CC2D1B: variants seen among roughly 807,000 people sequenced by gnomAD.
CC2D1B encodes coiled-coil and C2 domain containing 1B, also known as coiled-coil and C2 domain-containing protein 1B.
Under a neutral mutation model 110.8 loss-of-function variants are expected in CC2D1B, and 92 were observed. The ratio of observed to expected loss-of-function variants is 0.83; its 90% CI spans 0.70 to 0.99. The LOEUF (loss-of-function observed/expected upper bound fraction) is 0.99. Among genes scored for constraint, CC2D1B ranks in the 50% least tolerant of loss-of-function variants. The pLI is 0.00. For missense variants in CC2D1B, 1,136 were observed against 1,089.0 expected, an observed-to-expected ratio of 1.04 and a Z score of -0.61; for synonymous variants, 406 against 429.2, an observed-to-expected ratio of 0.95 and a Z score of 0.67.
In CC2D1B at chr1:52,356,288, G is replaced by A. The variant is rs1475906990; in HGVS notation, c.1952C>T (p.Ala651Val). The A allele has an allele frequency of 6.2e-7, 1 of 1,614,186 alleles. No homozygotes were observed. The highest frequency in any genetic ancestry group is 1.1e-5 in the South Asian group (1 of 91,080). Reference protein sequence around the residue: ...VAETTRFEKLAQDRKKQLEIL... With the variant: ...VAETTRFEKLVQDRKKQLEIL... ...CTCCAGCTGTTTCTTGCGGTCCTGA[G>A]CAAGCTTCTCAAATCTGACAGGGAT... The change falls in exon 18 of 25, where the codon GCT becomes GTT. Residue 651 changes from alanine to valine, a missense_variant. Coordinates refer to ENST00000284376, the MANE Select transcript of CC2D1B (RefSeq NM_001330585.2).
chr1:52,362,721 G>A lies in CC2D1B; in HGVS notation c.95C>T (p.Pro32Leu), dbSNP rs1646809442. 1 of 1,613,942 alleles carries A rather than the reference G, an allele frequency of 6.2e-7. No homozygotes were observed. The highest frequency in any genetic ancestry group is 1.3e-5 in the African/African-American group (1 of 74,882). ...KQMGLFMEFG[P>L]EDMLLGMDEA... is the part of the protein sequence containing the mutation. ...ATCCATGCCCAGCAGCATGTCCTCA[G>A]GGCCAAACTCCATAAAGAGCCCCAT... The change falls in exon 3 of 25, where the codon CCT (proline) becomes CTT (leucine). Residue 32 changes from proline to leucine, a missense_variant. Transcript: ENST00000284376.
Position 52,359,277 on chromosome 1 carries a change from T to C in CC2D1B, c.1099A>G (p.Met367Val), listed in dbSNP as rs1455064651. 1.9e-6 allele frequency: 3 copies of C among 1,612,898 alleles called. No individual in the cohort carries two copies. The highest frequency in any genetic ancestry group is 1.3e-5 in the African/African-American group (1 of 74,936). ...GGGGTTGCTGGGACGTCAGGGGCCA[T>C]CACTGGCTGCACTCGCTCCACGGCT... is the stretch of plus-strand genomic sequence containing the variant. ...PPAVERVQPV[M>V]APDVPATPVA... The change falls in exon 10 of 25, where the codon ATG becomes GTG. Residue 367 changes from methionine (M) to valine (V), a missense_variant. By Grantham distance (21) the Met-to-Val change is conservative. Transcript: ENST00000284376.
rs1332820946 is a variant in CC2D1B, at chr1:52,351,765, T to C, written c.*1460A>G. The stretch of plus-strand genomic sequence containing the variant: ...TGGGCATAGTGGTGGGTGCCTGTAA[T>C]CCCAGCTACTCAGGAGACTGACACA... On this transcript the variant is annotated 3_prime_UTR_variant, in exon 25 of 25. Transcript: ENST00000284376. The C allele has an allele frequency of 2.0e-5, 3 of 151,660 alleles. No individual in the cohort carries two copies. In the East Asian group the frequency reaches 5.8e-4, roughly 29 times the overall value. The allele number at this position is 151,660 out of a possible 1,614,324, so 9.4% of individuals were successfully genotyped here. A position where few individuals can be genotyped will look rare whatever the true frequency, so the allele number is the denominator to read the frequency against.
intron 3 of CC2D1B, 111 bp downstream of exon 3, chr1:52,362,490 TG>T: frequency 2.3e-6 from 3 of 1,317,480 alleles, no homozygotes; most frequent in Non-Finnish European, 3.2e-6. Flanking sequence ...AGATGGGTAT[TG>T]GAAGGACCAG....
rs1646546757 is a variant in CC2D1B, at chr1:52,352,500, T to C, written c.*725A>G. 1 of 152,652 alleles carries C rather than the reference T, an allele frequency of 6.6e-6. No individual in the cohort carries two copies. Among genetic ancestry groups the C allele is most frequent in the Non-Finnish European group, 1.5e-5 (1 of 68,032 alleles). 9.5% of individuals were successfully genotyped at this position (152,652 alleles called of 1,614,324 possible). A position where few individuals can be genotyped will look rare whatever the true frequency, so the allele number is the denominator to read the frequency against. The stretch of plus-strand genomic sequence containing the variant: ...TGAGTATAAAATCCCTACAATGAGT[T>C]AGACTTAGTTTCCTAGATAAATAAA... On this transcript the variant is annotated 3_prime_UTR_variant, in exon 25 of 25. Transcript: ENST00000284376.
At position 52,353,183 on chromosome 1, in the gene CC2D1B, C is replaced by T. The variant is rs1557537674; in HGVS notation, c.*42G>A. 4 of 1,326,228 alleles carry T rather than the reference C, an allele frequency of 3.0e-6. No homozygotes were observed. Among genetic ancestry groups the T allele is most frequent in the Admixed American group, 4.5e-5 (2 of 44,126 alleles). The allele number at this position is 1,326,228 out of a possible 1,614,324, so 82.2% of individuals were successfully genotyped here. On this transcript the variant is annotated 3_prime_UTR_variant, in exon 25 of 25. Transcript: ENST00000284376. Reference sequence around the variant, plus strand: ...GCAAAGCTGGGAAAGTCATCTCCTGCACAGTCGCGGCCTGACTCCTCTCCT... The same window carrying T: ...GCAAAGCTGGGAAAGTCATCTCCTGTACAGTCGCGGCCTGACTCCTCTCCT...
intron 15 of CC2D1B, 90 bp downstream of exon 15, chr1:52,357,436 C>T: frequency 7.3e-7 from 1 of 1,377,676 alleles, no homozygotes; most frequent in Non-Finnish European, 9.9e-7. Flanking sequence ...CCTGCCTCAT[C>T]CCAGAAGCTG....
intron 3 of CC2D1B, 67 bp downstream of exon 3, chr1:52,362,535 A>G: frequency 6.3e-7 from 1 of 1,580,460 alleles, no homozygotes; most frequent in Non-Finnish European, 8.7e-7. Flanking sequence ...CTGCAAGGGA[A>G]CCCCTCTACC....
chr1:52,356,104 A>G, intron 18 of CC2D1B, 82 bp downstream of exon 18: 1 of 1,249,222 alleles, frequency 8.0e-7, no homozygotes, highest in Non-Finnish European at 1.2e-6. Flanking sequence ...AAGCCTCACT[A>G]AAGGGGTAGC....
chr1:52,357,155 C>T (rs764149437), intron 15 of CC2D1B, 29 bp from the exon 16 acceptor site: 4 of 1,612,732 alleles, frequency 2.5e-6, no homozygotes, highest in Non-Finnish European at 3.4e-6. Flanking sequence ...CCCTCGGGCC[C>T]CAAGAGTCAG....
At position 52,352,614 on chromosome 1, in the gene CC2D1B, C is replaced by T. The variant is rs1157667246; in HGVS notation, c.*611G>A. 1 of 152,544 alleles carries T rather than the reference C, an allele frequency of 6.6e-6. No individual in the cohort carries two copies. Among genetic ancestry groups the T allele is most frequent in the Non-Finnish European group, 1.5e-5 (1 of 68,042 alleles). 9.4% of individuals were successfully genotyped at this position (152,544 alleles called of 1,614,324 possible). ...GGGTAGACCAAACCCAAGATCCAACCTTCCCCTTACTTCCCACCAAGTAGT... is the reference window on the plus strand; with the variant it reads ...GGGTAGACCAAACCCAAGATCCAACTTTCCCCTTACTTCCCACCAAGTAGT... On this transcript the variant is annotated 3_prime_UTR_variant, in exon 25 of 25. Coordinates refer to ENST00000284376, the MANE Select transcript of CC2D1B (RefSeq NM_001330585.2).
Position 52,356,444 on chromosome 1 carries a change from T to A in CC2D1B, c.1879-2A>T, listed in dbSNP as rs571093647. The A allele has an allele frequency of 1.8e-5, 29 of 1,614,098 alleles. No individual in the cohort carries two copies. Among genetic ancestry groups the A allele is most frequent in the Non-Finnish European group, 2.4e-5 (28 of 1,180,038 alleles). On this transcript the variant is annotated splice_acceptor_variant, in intron 16 of 24. Transcript: ENST00000284376. LOFTEE classifies it high-confidence loss of function. Reference sequence around the variant, plus strand: ...CTGCTTGGAGAACAGCAGGCACTTCTGAAAATAGAGGCCCAGAGTGACTCC... The same window carrying A: ...CTGCTTGGAGAACAGCAGGCACTTCAGAAAATAGAGGCCCAGAGTGACTCC...
At chr1:52,356,695 C>G (rs72666819) in intron 16 of CC2D1B, 6,354 of 604,330 alleles carry the variant, frequency 0.011, 47 homozygotes, top group Non-Finnish European at 0.014. Flanking sequence ...CAAACATCCC[C>G]TCAGAAGGCA....
chr1:52,361,576 G>A lies in CC2D1B; in HGVS notation c.255C>T (p.Asp85=), dbSNP rs758828588. Residue 85 remains aspartate (D), a synonymous_variant, in exon 4 of 25, where the codon GAC becomes GAT. Transcript: ENST00000284376. ...PMAHIEKLAA[D]CMRDVEEEEE... Reference sequence around the variant, plus strand: ...CCTCCTCCTCCACATCCCGCATACAGTCTGCCGCCAACTTCTCGATGTGGG... The same window carrying A: ...CCTCCTCCTCCACATCCCGCATACAATCTGCCGCCAACTTCTCGATGTGGG... 3 of 1,613,874 alleles carry A rather than the reference G, an allele frequency of 1.9e-6. No individual in the cohort carries two copies. Among genetic ancestry groups the A allele is most frequent in the East Asian group, 4.5e-5 (2 of 44,872 alleles).
Position 52,361,125 on chromosome 1 carries a change from A to ACCTGGGGTT in CC2D1B, c.325_326insAACCCCAGG (p.Leu109delinsGlnProGlnVal). ...CTCGTCCACACCTAAGACCTCCTGC[A>ACCTGGGGTT]GCTCCGTCTAGGGAGACAAAACACA... On this transcript the variant is annotated protein_altering_variant, in exon 5 of 25. Coordinates refer to ENST00000284376, the MANE Select transcript of CC2D1B (RefSeq NM_001330585.2). 1 of 1,614,068 alleles carries ACCTGGGGTT rather than the reference A, an allele frequency of 6.2e-7. No homozygotes were observed. Among genetic ancestry groups the ACCTGGGGTT allele is most frequent in the East Asian group, 2.2e-5 (1 of 44,864 alleles).
intron 21 of CC2D1B, 27 bp from the exon 22 acceptor site, chr1:52,354,966 G>A (rs1339850947): frequency 1.0e-5 from 16 of 1,577,510 alleles, no homozygotes; most frequent in Non-Finnish European, 1.3e-5. Flanking sequence ...AAGCAAGGAG[G>A]GGCTTGGCTC....
chr1:52,358,051 G>C lies in CC2D1B; in HGVS notation c.1462-153C>G. On this transcript the variant is annotated intron_variant, in intron 13 of 24. Transcript: ENST00000284376. Reference sequence around the variant, plus strand: ...TTCCTGGGTCCTAAAAGATCTGAGAGCTAGAAGCAGCCTCAGAAGCTCTCA... The same window carrying C: ...TTCCTGGGTCCTAAAAGATCTGAGACCTAGAAGCAGCCTCAGAAGCTCTCA... 3 of 1,173,522 alleles carry C rather than the reference G, an allele frequency of 2.6e-6. No individual in the cohort carries two copies. In the South Asian group the frequency reaches 5.2e-5, roughly 20 times the overall value. 72.7% of individuals were successfully genotyped at this position (1,173,522 alleles called of 1,614,324 possible). A position where few individuals can be genotyped will look rare whatever the true frequency, so the allele number is the denominator to read the frequency against.
intron 8 of CC2D1B, 22 bp from the exon 9 acceptor site, chr1:52,359,556 G>T (rs758921010): frequency 1.2e-6 from 2 of 1,612,002 alleles, no homozygotes; most frequent in Non-Finnish European, 1.7e-6. Context: ...GGAAAAGCAG[G>T]TGTGGGTGAA....
rs148590904 is a variant in CC2D1B at position 52,358,511 on chromosome 1, C to T, written c.1331-50G>A. The T allele has an allele frequency of 1.4e-4, 230 of 1,610,642 alleles. 2 individuals carry two copies. The African/African-American group carries it at 2.8e-3, about 20-fold the overall frequency. ...GGGGCAGGGAGCAGCCTCAGAGAAG[C>T]ACAAAGCTACCCGGGGCCCTGTCTG... On this transcript the variant is annotated intron_variant, in intron 12 of 24. Transcript: ENST00000284376.
Sources: gnomAD v4.1 joint callset for allele counts on GRCh38, gnomAD v4.1.1 for gene constraint, MANE v1.5 for transcripts, NCBI Gene and HGNC (gene_info 2026-07-23, HGNC 2026-07-21) for gene names.